The following TAS2R1 variants were observed in gnomAD, a reference collection of about 807,000 sequenced individuals.
The protein encoded by TAS2R1 is taste 2 receptor member 1, also known as taste receptor type 2 member 1.
For synonymous variants in TAS2R1, 141 were observed against 134.2 expected, an observed-to-expected ratio of 1.05 and a Z score of -0.35; for missense variants, 370 against 353.4, an observed-to-expected ratio of 1.05 and a Z score of -0.38.
At chr5:9,752,263 A>T in the TAS2R1 span, among the ~76,000 whole-genome samples, 1 of 152,184 alleles carries the variant, frequency 6.6e-6, no homozygotes, top group Admixed American at 6.5e-5. Flanking sequence ...AGAACTTGTG[A>T]GTATATGTCC....
At chr5:9,753,832 A>G in the TAS2R1 span, among the ~76,000 whole-genome samples, 2 of 152,082 alleles carry the variant, frequency 1.3e-5, no homozygotes, top group African/African-American at 4.8e-5. Context: ...TGTTTTTGTC[A>G]TGTTTGTCAA....
chr5:9,633,304 A>ATATATATATATATATATATAATTTGTG (rs1378909219), upstream of TAS2R1, among the ~76,000 whole-genome samples: 2 of 95,516 alleles, frequency 2.1e-5, no homozygotes, highest in East Asian at 6.6e-4. Flanking sequence ...TTATATATAT[A>ATATATATATATATATATATAATTTGTG]TATATATATA....
At chr5:9,636,124 A>T (rs1739958868) in intron 2 of TAS2R1, among the ~76,000 whole-genome samples, 1 of 151,962 alleles carries the variant, frequency 6.6e-6, no homozygotes, top group African/African-American at 2.4e-5. Context: ...AGAGGTTTTA[A>T]TAAGTTGTCT....
At chr5:9,837,490 T>C in the TAS2R1 span, among the ~76,000 whole-genome samples, 39,812 of 152,164 alleles carry the variant, frequency 0.26, 6,506 homozygotes, top group Non-Finnish European at 0.37. Context: ...GCTTCCTAAA[T>C]TGTTCCTGGA....
At chr5:9,696,443 T>C (rs1370751575) in intron 1 of TAS2R1, among the ~76,000 whole-genome samples, 1 of 151,910 alleles carries the variant, frequency 6.6e-6, no homozygotes, top group Non-Finnish European at 1.5e-5. Flanking sequence ...GTGCCTGTAA[T>C]CTCAGCTACT....
intron 1 of TAS2R1, among the ~76,000 whole-genome samples, chr5:9,670,791 T>A (rs1232342286): frequency 2.0e-5 from 3 of 152,126 alleles, no homozygotes; most frequent in Non-Finnish European, 4.4e-5. Flanking sequence ...ACTCATTGTA[T>A]GAAGCCAGCA....
chr5:9,839,115 G>A, the TAS2R1 span, among the ~76,000 whole-genome samples: 6 of 152,352 alleles, frequency 3.9e-5, no homozygotes, highest in Admixed American at 6.5e-5. Context: ...CTGCGCAGCC[G>A]CTAGGGTAAA....
At chr5:9,732,389 G>A in the TAS2R1 span, among the ~76,000 whole-genome samples, 1 of 152,132 alleles carries the variant, frequency 6.6e-6, no homozygotes, top group Non-Finnish European at 1.5e-5. Flanking sequence ...GTCATTGAGG[G>A]GACTAAGGCA....
the TAS2R1 span, among the ~76,000 whole-genome samples, chr5:9,776,041 A>C: frequency 6.6e-6 from 1 of 152,170 alleles, no homozygotes; most frequent in African/African-American, 2.4e-5. Flanking sequence ...CTGGTGACCC[A>C]GACTGCCTTT....
chr5:9,818,083 T>C, the TAS2R1 span, among the ~76,000 whole-genome samples: 2 of 152,118 alleles, frequency 1.3e-5, no homozygotes, highest in East Asian at 3.9e-4. Context: ...TCAGAGACCA[T>C]TCCGTATAAT....
upstream of TAS2R1, among the ~76,000 whole-genome samples, chr5:9,630,651 T>C (rs1427999241): frequency 2.6e-5 from 4 of 152,188 alleles, no homozygotes; most frequent in Admixed American, 2.6e-4. Context: ...GGCTTGCACA[T>C]ACATGTGTAC....
At chr5:9,861,037 G>GGTT in the TAS2R1 span, among the ~76,000 whole-genome samples, 1 of 88,628 alleles carries the variant, frequency 1.1e-5, no homozygotes, top group African/African-American at 4.3e-5. Context: ...GGAAGATGAG[G>GGTT]TTTTTTTTTT....
the TAS2R1 span, among the ~76,000 whole-genome samples, chr5:9,826,729 G>A: frequency 8.5e-5 from 13 of 152,124 alleles, no homozygotes; most frequent in Admixed American, 2.0e-4. Context: ...TTTGAAAAAG[G>A]AAAACAAATT....
chr5:9,848,562 C>A, the TAS2R1 span, among the ~76,000 whole-genome samples: 1 of 152,050 alleles, frequency 6.6e-6, no homozygotes, highest in South Asian at 2.1e-4. Flanking sequence ...GTATTACATA[C>A]ATGAAAATCA....
upstream of TAS2R1, among the ~76,000 whole-genome samples, chr5:9,714,631 C>T (rs1035765449): frequency 1.3e-5 from 2 of 152,202 alleles, no homozygotes; most frequent in African/African-American, 4.8e-5. Context: ...GGGATTGGCA[C>T]ATAAGAGATG....
chr5:9,868,721 C>T, the TAS2R1 span, among the ~76,000 whole-genome samples: 4 of 152,192 alleles, frequency 2.6e-5, no homozygotes, highest in South Asian at 2.1e-4. Flanking sequence ...GTTTTCTTTT[C>T]TATTGCATCA....
chr5:9,751,753 A>G, the TAS2R1 span, among the ~76,000 whole-genome samples: 1 of 152,232 alleles, frequency 6.6e-6, no homozygotes, highest in African/African-American at 2.4e-5. Flanking sequence ...ATTGTTATGC[A>G]CAAAATCTTC....
chr5:9,719,374 T>C, the TAS2R1 span, among the ~76,000 whole-genome samples: 1 of 152,230 alleles, frequency 6.6e-6, no homozygotes, highest in Non-Finnish European at 1.5e-5. Context: ...TTTGCAACCT[T>C]CGGAGATGTA....
rs1739953552 is a variant in TAS2R1 at position 9,635,829 on chromosome 5, T to A, written c.-80-5837A>T. On this transcript the variant is annotated intron_variant, in intron 2 of 2. Coordinates refer to the TAS2R1 transcript ENST00000506620. ...TGAGACTATTGGATCTTCTCTCATT[T>A]TTTCTTGGTTAATCTCACTAATGGT... 3.3e-5 allele frequency among the ~76,000 whole-genome samples: 5 copies of A among 152,248 alleles called. No homozygotes were observed. The South Asian group carries it at 1.0e-3, about 32-fold the overall frequency.
Sources: allele counts gnomAD v4.1 joint callset (sites outside exome capture counted in the v4.1 genomes callset), GRCh38; gene constraint gnomAD v4.1.1; transcripts MANE v1.5; gene names NCBI Gene and HGNC (gene_info 2026-07-23, HGNC 2026-07-21).